The following SLC8A1 variants were observed in gnomAD, a reference collection of about 807,000 sequenced individuals.
The protein encoded by SLC8A1 is sodium/calcium exchanger 1.
SLC8A1 carries 18 observed loss-of-function variants against 68.3 expected under a neutral mutation model. The ratio of observed to expected loss-of-function variants is 0.26; its 90% CI spans 0.18 to 0.39. The LOEUF is 0.39. Ranked by LOEUF, SLC8A1 falls within the 10% of genes least tolerant of loss-of-function variation. The probability of loss-of-function intolerance (pLI) is 1.00; values close to 1 mark genes in which losing one functional copy is unlikely to be tolerated. For synonymous variants in SLC8A1, 475 were observed against 415.5 expected (o/e 1.14, Z -1.74); for missense variants, 985 against 1,156.7 (o/e 0.85, Z 2.15).
chr2:40,490,860 A>T (rs116474994), intron 1 of SLC8A1, among the ~76,000 whole-genome samples: 3 of 152,130 alleles, frequency 2.0e-5, no homozygotes, highest in African/African-American at 7.2e-5. Context: ...ATTATATTAT[A>T]GAGAATCATA....
rs188653054 is a variant in SLC8A1, at chr2:40,505,260, A to G, written c.-25+7089T>C. 1.8e-4 allele frequency among the ~76,000 whole-genome samples: 28 copies of G among 151,994 alleles called. No homozygotes were observed. In the East Asian group the frequency reaches 5.0e-3, roughly 27 times the overall value. The stretch of plus-strand genomic sequence containing the variant: ...ACAAAAATAGTTAGAAAGAATGAAT[A>G]AGATCTACTATTTGCTAGCACATCA... On this transcript the variant is annotated intron_variant, in intron 1 of 7. Transcript: ENST00000402441.
upstream of SLC8A1, among the ~76,000 whole-genome samples, chr2:40,454,855 G>A (rs1702909157): frequency 6.6e-6 from 1 of 152,250 alleles, no homozygotes; most frequent in Non-Finnish European, 1.5e-5. Flanking sequence ...GCACAAGGCT[G>A]AGGAAGACTA....
chr2:40,174,268 T>C (rs186079316), intron 4 of SLC8A1, among the ~76,000 whole-genome samples: 1 of 152,264 alleles, frequency 6.6e-6, no homozygotes, highest in Non-Finnish European at 1.5e-5. Flanking sequence ...TAAAGTGATG[T>C]ATTTTTACGT....
intron 2 of SLC8A1, among the ~76,000 whole-genome samples, chr2:40,230,951 T>C (rs563838551): frequency 9.0e-4 from 137 of 152,320 alleles, no homozygotes; most frequent in African/African-American, 3.1e-3. Context: ...TTTTGTGTGA[T>C]GCACAAATAC....
intron 2 of SLC8A1, among the ~76,000 whole-genome samples, chr2:40,387,203 T>A (rs771514524): frequency 1.5e-4 from 22 of 151,458 alleles, no homozygotes; most frequent in Non-Finnish European, 2.8e-4. Flanking sequence ...AGTAATGGTA[T>A]TTCCAGGGTC....
At chr2:40,322,501 T>TA (rs10708563) in intron 2 of SLC8A1, among the ~76,000 whole-genome samples, 7,173 of 97,244 alleles carry the variant, frequency 0.074, 253 homozygotes, top group Non-Finnish European at 0.093. Flanking sequence ...TACAAAAGGT[T>TA]AAAAAAAAAA....
chr2:40,193,780 G>A (rs2052371560), intron 2 of SLC8A1, among the ~76,000 whole-genome samples: 1 of 152,078 alleles, frequency 6.6e-6, no homozygotes, highest in African/African-American at 2.4e-5. Flanking sequence ...AAGCAGATGT[G>A]GAGAAGATAT....
At chr2:40,413,523 G>C (rs1387702042) in intron 2 of SLC8A1, among the ~76,000 whole-genome samples, 1 of 152,126 alleles carries the variant, frequency 6.6e-6, no homozygotes, top group African/African-American at 2.4e-5. Context: ...TATAAGCAGA[G>C]CCCTTTTTTC....
chr2:40,445,182 C>T (rs1701219772), intron 1 of SLC8A1, among the ~76,000 whole-genome samples: 1 of 152,022 alleles, frequency 6.6e-6, no homozygotes, highest in Non-Finnish European at 1.5e-5. Flanking sequence ...AGAAAGTAAA[C>T]ACGGAAAAGG....
chr2:40,227,355 T>C (rs972907419), intron 2 of SLC8A1, among the ~76,000 whole-genome samples: 10 of 152,012 alleles, frequency 6.6e-5, no homozygotes, highest in Middle Eastern at 3.4e-3. Context: ...TCTCACAGAG[T>C]GTTCTGTTTT....
intron 7 of SLC8A1, among the ~76,000 whole-genome samples, chr2:40,122,361 GA>G (rs1411492931): frequency 6.6e-6 from 1 of 152,036 alleles, no homozygotes; most frequent in Non-Finnish European, 1.5e-5. Context: ...ATGAGGAGTT[GA>G]AAAAAGGAAA....
intron 2 of SLC8A1, among the ~76,000 whole-genome samples, chr2:40,181,514 A>G (rs2049561434): frequency 6.6e-6 from 1 of 152,246 alleles, no homozygotes; most frequent in African/African-American, 2.4e-5. Flanking sequence ...GCATAATGGC[A>G]TATCATTTCA....
chr2:40,376,293 A>G (rs1018524545), intron 2 of SLC8A1, among the ~76,000 whole-genome samples: 1 of 152,072 alleles, frequency 6.6e-6, no homozygotes, highest in African/African-American at 2.4e-5. Flanking sequence ...ACCTAAGCCA[A>G]TTTTGCTTGT....
upstream of SLC8A1, among the ~76,000 whole-genome samples, chr2:40,456,415 T>C (rs758691632): frequency 8.7e-4 from 133 of 152,248 alleles, no homozygotes; most frequent in Non-Finnish European, 1.5e-3. Context: ...AAATATCTAG[T>C]CTCTGTCCTG....
intron 4 of SLC8A1, 115 bp from the exon 8 acceptor site, chr2:40,165,099 C>A: frequency 7.6e-7 from 1 of 1,318,258 alleles, no homozygotes; most frequent in Non-Finnish European, 1.1e-6. Flanking sequence ...TACTAAAGCC[C>A]CCTGGGTGAG....
intron 1 of SLC8A1, 137 bp from the exon 2 acceptor site, chr2:40,430,441 G>A: frequency 1.2e-6 from 1 of 812,090 alleles, no homozygotes; most frequent in Non-Finnish European, 1.9e-6. Flanking sequence ...ACCGAAATTT[G>A]TTTATATTTG....
At chr2:40,323,328 G>A (rs2075432801) in intron 2 of SLC8A1, among the ~76,000 whole-genome samples, 1 of 152,034 alleles carries the variant, frequency 6.6e-6, no homozygotes, top group Non-Finnish European at 1.5e-5. Flanking sequence ...AAGACTTTAA[G>A]ACACTATTAC....
chr2:40,138,674 T>C (rs2040986351), intron 7 of SLC8A1, among the ~76,000 whole-genome samples: 1 of 152,186 alleles, frequency 6.6e-6, no homozygotes, highest in South Asian at 2.1e-4. Context: ...TTTGTATTTC[T>C]TAACAAGCTC....
At chr2:40,291,186 TTTG>T (rs753309212) in intron 2 of SLC8A1, among the ~76,000 whole-genome samples, 12 of 152,180 alleles carry the variant, frequency 7.9e-5, no homozygotes, top group Non-Finnish European at 1.2e-4. Context: ...ATGAAGAAGC[TTTG>T]TGCTGTTGAT....
Sources: allele counts gnomAD v4.1 joint callset (sites outside exome capture counted in the v4.1 genomes callset), GRCh38; gene constraint gnomAD v4.1.1; transcripts MANE v1.5; gene names NCBI Gene and HGNC (gene_info 2026-07-23, HGNC 2026-07-21).